CFAP65: variants seen among roughly 807,000 people sequenced by gnomAD.
The protein encoded by CFAP65 is cilia and flagella associated protein 65.
A neutral mutation model predicts 208.0 loss-of-function variants in CFAP65; 155 were observed. The observed-to-expected ratio is 0.75, with a 90% CI of 0.65 to 0.85. CFAP65 has a LOEUF of 0.85. Ranked by LOEUF, CFAP65 falls within the 40% of genes least tolerant of loss-of-function variation. The pLI, the probability that CFAP65 is intolerant of heterozygous loss-of-function variation, is 0.00. For missense variants in CFAP65, 2,294 were observed against 2,451.3 expected (o/e 0.94, Z 1.36); for synonymous variants, 970 against 986.3 (o/e 0.98, Z 0.31).
At chr2:219,029,317 G>A in intron 11 of CFAP65, 86 bp downstream of exon 11, 1 of 1,509,538 alleles carries the variant, frequency 6.6e-7, no homozygotes, top group East Asian at 2.3e-5. Context: ...CCAGAATACA[G>A]GGAAGTGCCC....
chr2:219,005,302 A>G, intron 32 of CFAP65, 132 bp downstream of exon 32: 3 of 1,242,278 alleles, frequency 2.4e-6, no homozygotes, highest in Non-Finnish European at 3.4e-6. Flanking sequence ...TTGGAATTAC[A>G]GGCAAGAACC....
At chr2:219,006,319 G>T in intron 30 of CFAP65, 96 bp from the exon 31 acceptor site, 2 of 1,483,316 alleles carry the variant, frequency 1.3e-6, no homozygotes, top group Non-Finnish European at 1.9e-6. Flanking sequence ...AGGCTCTTTG[G>T]GCCACATAAG....
At chr2:219,028,158 G>T (rs753769331) in intron 12 of CFAP65, 43 bp downstream of exon 12, 15 of 1,602,436 alleles carry the variant, frequency 9.4e-6, no homozygotes, top group Non-Finnish European at 1.1e-5. Flanking sequence ...GATTGCCCAA[G>T]AATCACTAGA....
At chr2:219,037,134 G>A (rs1331914296) in intron 4 of CFAP65, among the ~76,000 whole-genome samples, 1 of 152,174 alleles carries the variant, frequency 6.6e-6, no homozygotes, top group Non-Finnish European at 1.5e-5. Context: ...GCTCACGCCT[G>A]TAATCCCAGC....
rs1948058132 is a variant in CFAP65 at position 219,031,766 on chromosome 2, G to C, written c.646-108C>G. ...AACACAACCGCTGAGGGGAGGGCCA[G>C]GCCGTGGCACCCACGTCAGACTCTG... On this transcript the variant is annotated intron_variant, in intron 6 of 34. Transcript: ENST00000341552. This position sits in a 1 kb window ranked among gnomAD's most constrained non-coding sequence, Gnocchi z 5.2. The C allele has an allele frequency of 1.5e-6, 2 of 1,367,882 alleles. No homozygotes were observed. The highest frequency in any genetic ancestry group is 2.8e-5 in the South Asian group (2 of 70,562). 84.7% of individuals were successfully genotyped at this position (1,367,882 alleles called of 1,614,324 possible). A position where few individuals can be genotyped will look rare whatever the true frequency, so the allele number is the denominator to read the frequency against.
At position 219,031,941 on chromosome 2, in the gene CFAP65, T is replaced by C. The variant is rs1227485239; in HGVS notation, c.646-283A>G. The stretch of plus-strand genomic sequence containing the variant: ...TTTTCTTTTCTTTTTTTTTTTTTTT[T>C]TTTGAGTCTCGCTCTGTCACCCAGG... On this transcript the variant is annotated intron_variant, in intron 6 of 34. Coordinates refer to ENST00000341552, the MANE Select transcript of CFAP65 (RefSeq NM_194302.4). This position sits in a 1 kb window ranked among gnomAD's most constrained non-coding sequence, Gnocchi z 5.2. Among the ~76,000 whole-genome samples the C allele has an allele frequency of 2.2e-5, 3 of 137,552 alleles. No individual in the cohort carries two copies. The highest frequency in any genetic ancestry group is 4.7e-5 in the Non-Finnish European group (3 of 64,180). 90.2% of individuals were successfully genotyped at this position (137,552 alleles called of 152,430 possible).
In CFAP65 at chr2:219,003,951, C is replaced by G; in HGVS notation, c.5555+1G>C. 1 of 1,608,942 alleles carries G rather than the reference C, an allele frequency of 6.2e-7. No homozygotes were observed. The highest frequency in any genetic ancestry group is 1.1e-5 in the South Asian group (1 of 90,288). On this transcript the variant is annotated splice_donor_variant, in intron 33 of 34. Coordinates refer to ENST00000341552, the MANE Select transcript of CFAP65 (RefSeq NM_194302.4). LOFTEE classifies it high-confidence loss of function. The surrounding 1 kb of genome is among the most constrained non-coding windows in gnomAD (Gnocchi z 4.4). Reference sequence around the variant, plus strand: ...GTCCTCACTGGGGCCTGGCTGCTCACCTTCTGATGGCCTCCTTCTCGTCCT... The same window carrying G: ...GTCCTCACTGGGGCCTGGCTGCTCAGCTTCTGATGGCCTCCTTCTCGTCCT...
chr2:219,017,686 C>T, intron 21 of CFAP65, among the ~76,000 whole-genome samples: 1 of 152,250 alleles, frequency 6.6e-6, no homozygotes. Flanking sequence ...TGGACCCTCT[C>T]CACAGAGAGT....
In CFAP65 at chr2:219,024,226, T is replaced by C; in HGVS notation, c.2384A>G (p.Tyr795Cys). The C allele has an allele frequency of 6.2e-7, 1 of 1,613,458 alleles. No homozygotes were observed. The highest frequency in any genetic ancestry group is 1.3e-5 in the African/African-American group (1 of 74,976). ...TTTGTTGACCAGGAGCAGGCTGCGG[T>C]AGGTGGGCTCACCGGAGGACACTGC... ...FPAVSSGEPT[Y>C]RSLLLVNKDC... Residue 795 changes from tyrosine (Y) to cysteine (C), a missense_variant, in exon 15 of 35, where the codon TAC becomes TGC. Coordinates refer to ENST00000341552, the MANE Select transcript of CFAP65 (RefSeq NM_194302.4).
intron 5 of CFAP65, 104 bp downstream of exon 5, chr2:219,035,376 G>T: frequency 3.7e-6 from 6 of 1,600,990 alleles, no homozygotes; most frequent in Non-Finnish European, 5.1e-6. Context: ...GCTTTTATAT[G>T]GCATGTTAAA....
intron 9 of CFAP65, 132 bp from the exon 10 acceptor site, chr2:219,030,340 TG>T: frequency 1.1e-6 from 1 of 926,706 alleles, no homozygotes; most frequent in Non-Finnish European, 1.7e-6. Flanking sequence ...TGTGCCCCAC[TG>T]GCCAGACTGC....
chr2:219,029,275 G>A (rs1947856547), intron 11 of CFAP65, 128 bp downstream of exon 11: 3 of 1,231,434 alleles, frequency 2.4e-6, no homozygotes, highest in Non-Finnish European at 3.3e-6. Context: ...GCCCAGGAGT[G>A]GGAGACCACC....
At chr2:219,029,869 C>A (rs368121897) in intron 10 of CFAP65, 117 bp downstream of exon 10, 62 of 1,159,092 alleles carry the variant, frequency 5.3e-5, no homozygotes, top group African/African-American at 2.6e-4. Flanking sequence ...CAGGGGGCAG[C>A]AGACACCCAG....
At chr2:219,009,639 G>GGTTT (rs1946298913) in intron 27 of CFAP65, among the ~76,000 whole-genome samples, 179 bp from the exon 28 acceptor site, 1 of 120,604 alleles carries the variant, frequency 8.3e-6, no homozygotes, top group Non-Finnish European at 1.7e-5. Flanking sequence ...GATGGGATGG[G>GGTTT]ATGGGATGGG....
In CFAP65 at chr2:219,003,915, G is replaced by A. The variant is rs199507646; in HGVS notation, c.5555+37C>T. 7 of 1,580,086 alleles carry A rather than the reference G, an allele frequency of 4.4e-6. No homozygotes were observed. The highest frequency in any genetic ancestry group is 1.3e-5 in the African/African-American group (1 of 74,456). On this transcript the variant is annotated intron_variant, in intron 33 of 34. Transcript: ENST00000341552. The surrounding 1 kb of genome is among the most constrained non-coding windows in gnomAD (Gnocchi z 4.4). Reference sequence around the variant, plus strand: ...GCCTCCTAGGAACCTTCTGCACTTCGCCTCCCTCCCGTCCTCACTGGGGCC... The same window carrying A: ...GCCTCCTAGGAACCTTCTGCACTTCACCTCCCTCCCGTCCTCACTGGGGCC...
At chr2:219,019,291 T>C in intron 20 of CFAP65, 112 bp from the exon 21 acceptor site, 1 of 1,380,100 alleles carries the variant, frequency 7.2e-7, no homozygotes, top group East Asian at 2.3e-5. Context: ...CTGGAGAATC[T>C]GGGACTCAGG....
At position 219,004,246 on chromosome 2, in the gene CFAP65, T is replaced by G. The variant is rs763916400; in HGVS notation, c.5261A>C (p.Tyr1754Ser). ...CTCTTCCTTCTTTCCCAACCCTGGA[T>G]AGTGCTCTGGTCTGTCTTCCTTCGG... ...KQPKEDRPEH[Y>S]PGLGKKEEGE... The change falls in exon 33 of 35, where the codon TAT (tyrosine) becomes TCT (serine). Residue 1754 changes from tyrosine (Y) to serine (S), a missense_variant. Transcript: ENST00000341552. This position sits in a 1 kb window ranked among gnomAD's most constrained non-coding sequence, Gnocchi z 4.7. 6.2e-7 allele frequency: 1 copy of G among 1,614,100 alleles called. No homozygotes were observed. The highest frequency in any genetic ancestry group is 8.5e-7 in the Non-Finnish European group (1 of 1,180,020).
chr2:219,011,474 T>G lies in CFAP65; in HGVS notation c.3958-478A>C, dbSNP rs112291850. On this transcript the variant is annotated intron_variant, in intron 24 of 34. Coordinates refer to ENST00000341552, the MANE Select transcript of CFAP65 (RefSeq NM_194302.4). ...ATATATATATTTTTTAGAGATGGGG[T>G]TCTCACTGTGTTGGCCAGGCTGGTC... is the stretch of plus-strand genomic sequence containing the variant. Among the ~76,000 whole-genome samples the G allele has an allele frequency of 6.7e-3, 1,020 of 151,944 alleles. 17 individuals are homozygous for G. Among genetic ancestry groups the G allele is most frequent in the African/African-American group, 0.023 (946 of 41,462 alleles).
In CFAP65 at chr2:219,031,554, G is replaced by A; in HGVS notation, c.750C>T (p.Ser250=). The change falls in exon 7 of 35, where the codon TCC becomes TCT. Residue 250 remains serine, a synonymous_variant. Transcript: ENST00000341552. This position sits in a 1 kb window ranked among gnomAD's most constrained non-coding sequence, Gnocchi z 5.2. ...CCACAGCACACATGGGCAGCTGCAG[G>A]GATGGTGGGCGGCAGATCAGCCTGT... is the stretch of plus-strand genomic sequence containing the variant. The part of the protein sequence containing the change: ...PCHRLICRPP[S]LQLPMCAVGD... The A allele has an allele frequency of 6.2e-7, 1 of 1,614,244 alleles. No homozygotes were observed. Among genetic ancestry groups the A allele is most frequent in the Admixed American group, 1.7e-5 (1 of 60,032 alleles).
Sources: gnomAD v4.1 joint callset for allele counts (sites outside exome capture counted in the v4.1 genomes callset) on GRCh38, gnomAD v4.1.1 for gene constraint, Gnocchi (gnomAD v3.1) non-coding constraint, MANE v1.5 for transcripts, NCBI Gene and HGNC (gene_info 2026-07-23, HGNC 2026-07-21) for gene names.